GNA14: variants seen among roughly 807,000 people sequenced by gnomAD.
GNA14 encodes the protein guanine nucleotide-binding protein subunit alpha-14.
In GNA14, 50 loss-of-function variants were observed where a neutral mutation model predicts 42.0. That is an observed-to-expected ratio of 1.19 (90% CI 0.95 to 1.51). The LOEUF is 1.51. GNA14 is among the 40% of genes most tolerant of loss of function. The probability of loss-of-function intolerance (pLI) is 0.00; values close to 1 mark genes in which losing one functional copy is unlikely to be tolerated. For missense variants in GNA14, 473 were observed against 446.2 expected, an observed-to-expected ratio of 1.06 and a Z score of -0.54; for synonymous variants, 173 against 163.1, an observed-to-expected ratio of 1.06 and a Z score of -0.46.
In GNA14 at chr9:77,490,287, G is replaced by A. The variant is rs976206567; in HGVS notation, c.309+38782C>T. The stretch of plus-strand genomic sequence containing the variant: ...TGAGCTAGATATAAAGACTCTCCAC[G>A]TCCCTACCAGACTCAGGAGCCCAGC... On this transcript the variant is annotated intron_variant, in intron 2 of 6. Coordinates refer to ENST00000341700, the MANE Select transcript of GNA14 (RefSeq NM_004297.4). 3.3e-5 allele frequency among the ~76,000 whole-genome samples: 5 copies of A among 152,246 alleles called. No homozygotes were observed. In the East Asian group the frequency reaches 7.7e-4, roughly 23 times the overall value.
At chr9:77,533,725 C>A (rs994736084) in intron 1 of GNA14, among the ~76,000 whole-genome samples, 2 of 152,178 alleles carry the variant, frequency 1.3e-5, no homozygotes, top group Admixed American at 6.5e-5. Flanking sequence ...GGATCCTCTG[C>A]CTCCCCTCTC....
At chr9:77,638,530 G>GA (rs1824214902) in intron 1 of GNA14, among the ~76,000 whole-genome samples, 1 of 152,070 alleles carries the variant, frequency 6.6e-6, no homozygotes, top group Admixed American at 6.6e-5. Context: ...TTCCAGGCAG[G>GA]AAAAAAAGCA....
intron 2 of GNA14, among the ~76,000 whole-genome samples, chr9:77,479,517 G>C (rs1441189798): frequency 6.6e-6 from 1 of 151,978 alleles, no homozygotes; most frequent in East Asian, 1.9e-4. Flanking sequence ...CTCTTTTTTG[G>C]TTCCATATGA....
chr9:77,558,426 TATAC>T (rs1394000309), intron 1 of GNA14, among the ~76,000 whole-genome samples: 2 of 152,196 alleles, frequency 1.3e-5, no homozygotes, highest in Non-Finnish European at 2.9e-5. Context: ...TTCATAATAA[TATAC>T]ATACATTTTT....
intron 2 of GNA14, among the ~76,000 whole-genome samples, chr9:77,472,854 C>T (rs1276492779): frequency 6.6e-6 from 1 of 151,298 alleles, no homozygotes; most frequent in African/African-American, 2.4e-5. Flanking sequence ...GTCATGTGAA[C>T]CATCTGCAAG....
In GNA14 at chr9:77,424,233, T is replaced by G. The variant is rs41289993; in HGVS notation, c.878-64A>C. The stretch of plus-strand genomic sequence containing the variant: ...TTAACACCATGTCCTCCCAAGAACC[T>G]TTTTTTTGAGACAGAGTCTCGCTCT... On this transcript the variant is annotated intron_variant, in intron 6 of 6. Transcript: ENST00000341700. 4,352 of 1,094,634 alleles carry G rather than the reference T, an allele frequency of 4.0e-3. 17 individuals carry two copies. The highest frequency in any genetic ancestry group is 5.2e-3 in the Non-Finnish European group (3,985 of 765,424). 67.8% of individuals were successfully genotyped at this position (1,094,634 alleles called of 1,614,324 possible).
chr9:77,490,729 G>A (rs1177062586), intron 2 of GNA14, among the ~76,000 whole-genome samples: 4 of 152,214 alleles, frequency 2.6e-5, no homozygotes, highest in Admixed American at 6.5e-5. Context: ...GCCTGCAAGC[G>A]CCTCACACAG....
At chr9:77,645,498 G>C (rs1824338247) in intron 1 of GNA14, among the ~76,000 whole-genome samples, 1 of 152,166 alleles carries the variant, frequency 6.6e-6, no homozygotes, top group Admixed American at 6.5e-5. Flanking sequence ...TCACAGGAAA[G>C]TTTTCACTAA....
At chr9:77,547,395 G>A (rs560432784) in intron 1 of GNA14, among the ~76,000 whole-genome samples, 246 of 152,226 alleles carry the variant, frequency 1.6e-3, no homozygotes, top group African/African-American at 4.3e-3. Flanking sequence ...AAGGAATTCC[G>A]TTGTTACAAG....
chr9:77,510,848 A>G (rs146077676), intron 2 of GNA14, among the ~76,000 whole-genome samples: 3 of 152,162 alleles, frequency 2.0e-5, no homozygotes, highest in Non-Finnish European at 2.9e-5. Flanking sequence ...AGGGGAAAAG[A>G]GGGAAGACGC....
At chr9:77,625,357 AG>A (rs1823997098) in intron 1 of GNA14, among the ~76,000 whole-genome samples, 2 of 152,316 alleles carry the variant, frequency 1.3e-5, no homozygotes, top group South Asian at 4.1e-4. Flanking sequence ...TCCCCCACCT[AG>A]CAAGACAGGC....
At chr9:77,425,438 A>G in intron 6 of GNA14, 124 bp downstream of exon 6, 1 of 635,442 alleles carries the variant, frequency 1.6e-6, no homozygotes, top group Admixed American at 2.7e-5. Flanking sequence ...GAAGGTGGGA[A>G]TAGGGGGAGA....
At chr9:77,439,293 G>A (rs2131695838) in intron 2 of GNA14, among the ~76,000 whole-genome samples, 1 of 152,330 alleles carries the variant, frequency 6.6e-6, no homozygotes, top group Middle Eastern at 3.4e-3. Flanking sequence ...TTGGACTATG[G>A]AATATGAAAT....
At chr9:77,572,040 G>A (rs933749970) in intron 1 of GNA14, among the ~76,000 whole-genome samples, 7 of 152,236 alleles carry the variant, frequency 4.6e-5, no homozygotes, top group African/African-American at 1.4e-4. Flanking sequence ...CTGAAAGAGA[G>A]TGGTGGCTGA....
At chr9:77,534,771 T>TC (rs929209990) in intron 1 of GNA14, among the ~76,000 whole-genome samples, 16 of 152,316 alleles carry the variant, frequency 1.1e-4, no homozygotes, top group African/African-American at 3.6e-4. Flanking sequence ...TCTTTTTTTT[T>TC]CTCGTTTCCT....
At chr9:77,462,462 T>C (rs1161680758) in intron 2 of GNA14, among the ~76,000 whole-genome samples, 3 of 152,180 alleles carry the variant, frequency 2.0e-5, no homozygotes, top group Non-Finnish European at 2.9e-5. Flanking sequence ...GGCTCATGCC[T>C]GTAATCCCAG....
At position 77,424,095 on chromosome 9, in the gene GNA14, T is replaced by G; in HGVS notation, c.952A>C (p.Lys318Gln). Residue 318 changes from lysine (K) to glutamine (Q), a missense_variant, in exon 7 of 7, where the codon AAA becomes CAA. Coordinates refer to ENST00000341700, the MANE Select transcript of GNA14 (RefSeq NM_004297.4). Reference sequence around the variant, plus strand: ...CATGTGAAGTGAGAGTAGATGACTTTCTCTTTGTCAGGATTCTGATCTTGG... The same window carrying G: ...CATGTGAAGTGAGAGTAGATGACTTGCTCTTTGTCAGGATTCTGATCTTGG... ...LYQDQNPDKEKVIYSHFTCAT... is the reference protein window; with the variant it reads ...LYQDQNPDKEQVIYSHFTCAT... The G allele has an allele frequency of 6.2e-7, 1 of 1,612,760 alleles. No individual in the cohort carries two copies. Among genetic ancestry groups the G allele is most frequent in the Non-Finnish European group, 8.5e-7 (1 of 1,179,016 alleles).
intron 2 of GNA14, among the ~76,000 whole-genome samples, chr9:77,504,660 C>CTTTT (rs34631344): frequency 9.3e-4 from 71 of 76,214 alleles, no homozygotes; most frequent in African/African-American, 1.7e-3. Flanking sequence ...GTCTGGCCGA[C>CTTTT]TTTTTTTTTT....
chr9:77,431,379 G>T lies in GNA14; in HGVS notation c.535C>A (p.Arg179=). The T allele has an allele frequency of 6.2e-7, 1 of 1,613,528 alleles. No individual in the cohort carries two copies. Among genetic ancestry groups the T allele is most frequent in the South Asian group, 1.1e-5 (1 of 91,008 alleles). ...VPTQQDVLRV[R]VPTTGIIEYP... is the part of the protein sequence containing the mutation. ...TCAATGATGCCGGTGGTGGGCACTC[G>T]GACGCGAAGCACATCTTGTTGGGTA... Residue 179 remains arginine, a synonymous_variant, in exon 4 of 7, where the codon CGA becomes AGA. Transcript: ENST00000341700.
Sources: gnomAD v4.1 joint callset for allele counts (sites outside exome capture counted in the v4.1 genomes callset) on GRCh38, gnomAD v4.1.1 for gene constraint, MANE v1.5 for transcripts, NCBI Gene and HGNC (gene_info 2026-07-23, HGNC 2026-07-21) for gene names.